Variants in CCSER1 observed in about 807,000 individuals in gnomAD.
The protein encoded by CCSER1 is serine-rich coiled-coil domain-containing protein 1.
In CCSER1, 41 loss-of-function variants were observed where a neutral mutation model predicts 82.0. The ratio of observed to expected loss-of-function variants is 0.50; its 90% CI spans 0.39 to 0.65. The LOEUF is 0.65. Among genes scored for constraint, CCSER1 ranks in the 30% least tolerant of loss-of-function variants. The probability of loss-of-function intolerance (pLI) is 0.00; values close to 1 mark genes in which losing one functional copy is unlikely to be tolerated. For synonymous variants in CCSER1, 414 were observed against 383.9 expected (o/e 1.08, Z -0.92); for missense variants, 1,119 against 1,064.2 (o/e 1.05, Z -0.72).
At chr4:90,605,455 A>C (rs1199845343) in intron 5 of CCSER1, among the ~76,000 whole-genome samples, 1 of 152,206 alleles carries the variant, frequency 6.6e-6, no homozygotes, top group Non-Finnish European at 1.5e-5. Flanking sequence ...TTATCTCTTC[A>C]CAAGTCAAAA....
At chr4:90,414,622 G>C (rs953142378) in intron 4 of CCSER1, among the ~76,000 whole-genome samples, 1 of 152,080 alleles carries the variant, frequency 6.6e-6, no homozygotes, top group Non-Finnish European at 1.5e-5. Flanking sequence ...TGTTTGTATA[G>C]TATTGTTTTT....
chr4:90,434,952 C>T (rs1014764803), intron 4 of CCSER1, among the ~76,000 whole-genome samples: 4 of 152,100 alleles, frequency 2.6e-5, no homozygotes, highest in African/African-American at 4.8e-5. Flanking sequence ...TTGGCCTCTG[C>T]GTGAATGTAA....
chr4:90,353,095 C>T (rs1383383322), intron 3 of CCSER1, among the ~76,000 whole-genome samples: 1 of 152,176 alleles, frequency 6.6e-6, no homozygotes, highest in Admixed American at 6.5e-5. Flanking sequence ...GGAGATACTT[C>T]TCTTCCCACT....
rs1310066424 is a variant in CCSER1 at position 90,312,851 on chromosome 4, T to C, written c.1325-12T>C. The C allele has an allele frequency of 6.6e-7, 1 of 1,511,540 alleles. No individual in the cohort carries two copies. Among genetic ancestry groups the C allele is most frequent in the Non-Finnish European group, 8.9e-7 (1 of 1,119,934 alleles). 93.6% of individuals were successfully genotyped at this position (1,511,540 alleles called of 1,614,324 possible). ...TATTTACCTTCATTTTTATTTATTTTCCTTTCCATAGTTCTTGCCAGTAGT... is the reference window on the plus strand; with the variant it reads ...TATTTACCTTCATTTTTATTTATTTCCCTTTCCATAGTTCTTGCCAGTAGT... On this transcript the variant is annotated splice_polypyrimidine_tract_variant and intron_variant, in intron 2 of 10. Transcript: ENST00000509176.
chr4:91,013,399 C>A (rs1416925498), intron 9 of CCSER1, among the ~76,000 whole-genome samples: 1 of 132,752 alleles, frequency 7.5e-6, no homozygotes. Context: ...CTATTTCAAC[C>A]TTCCCTATTC....
At position 90,293,508 on chromosome 4, in the gene CCSER1, C is replaced by T. The variant is rs956343937; in HGVS notation, c.-41-14736C>T. The stretch of plus-strand genomic sequence containing the variant: ...AGTTAGAATAAAAAATTAACTTTAC[C>T]GTCAAAAAGGAAGATCTCCTGCACC... On this transcript the variant is annotated intron_variant, in intron 1 of 10. Coordinates refer to ENST00000509176, the MANE Select transcript of CCSER1 (RefSeq NM_001145065.2). 7.3e-5 allele frequency among the ~76,000 whole-genome samples: 11 copies of T among 150,518 alleles called. No individual in the cohort carries two copies. The South Asian group carries it at 8.3e-4, about 11-fold the overall frequency.
At chr4:91,249,089 A>C (rs1740049840) in intron 10 of CCSER1, among the ~76,000 whole-genome samples, 1 of 152,164 alleles carries the variant, frequency 6.6e-6, no homozygotes, top group African/African-American at 2.4e-5. Context: ...AAATCACATA[A>C]ATCAAGTAGA....
At chr4:90,324,413 A>T (rs1396844174) in intron 3 of CCSER1, among the ~76,000 whole-genome samples, 1 of 143,958 alleles carries the variant, frequency 6.9e-6, no homozygotes, top group Non-Finnish European at 1.5e-5. Flanking sequence ...CATTTCTCTG[A>T]TGGCCAGTGA....
chr4:90,489,453 T>C (rs1767623889), intron 5 of CCSER1, among the ~76,000 whole-genome samples: 3 of 152,130 alleles, frequency 2.0e-5, no homozygotes, highest in Admixed American at 2.0e-4. Flanking sequence ...TTATATCAAT[T>C]GAGTTTGCTA....
chr4:90,748,889 T>A (rs1297204514), intron 7 of CCSER1, among the ~76,000 whole-genome samples: 1 of 150,702 alleles, frequency 6.6e-6, no homozygotes, highest in Admixed American at 6.6e-5. Context: ...GGGTTGTTTG[T>A]TTTTTTCTTG....
chr4:90,533,584 A>G (rs1774914420), intron 5 of CCSER1, among the ~76,000 whole-genome samples: 1 of 152,154 alleles, frequency 6.6e-6, no homozygotes, highest in African/African-American at 2.4e-5. Flanking sequence ...GCTCATAACG[A>G]TTTGGAGTTT....
intron 10 of CCSER1, among the ~76,000 whole-genome samples, chr4:91,472,452 T>C (rs143896708): frequency 9.8e-5 from 15 of 152,334 alleles, no homozygotes; most frequent in African/African-American, 3.6e-4. Flanking sequence ...ACCCCAATCC[T>C]TTCTTTTTGG....
chr4:91,472,250 T>C (rs1313468272), intron 10 of CCSER1, among the ~76,000 whole-genome samples: 2 of 152,188 alleles, frequency 1.3e-5, no homozygotes, highest in East Asian at 3.9e-4. Flanking sequence ...TGATAGCATC[T>C]CTAAGTGCTG....
intron 2 of CCSER1, among the ~76,000 whole-genome samples, chr4:90,311,917 C>T (rs548871344): frequency 2.0e-5 from 3 of 152,104 alleles, no homozygotes; most frequent in Non-Finnish European, 4.4e-5. Flanking sequence ...ACAAAACAGG[C>T]CTAGATCCCT....
At chr4:91,155,599 TA>T (rs1364941443) in intron 10 of CCSER1, among the ~76,000 whole-genome samples, 3 of 152,120 alleles carry the variant, frequency 2.0e-5, no homozygotes, top group Non-Finnish European at 4.4e-5. Flanking sequence ...CATTTTCATC[TA>T]ATGATTCTAA....
At chr4:90,486,372 G>A (rs1767059540) in intron 5 of CCSER1, among the ~76,000 whole-genome samples, 1 of 152,156 alleles carries the variant, frequency 6.6e-6, no homozygotes, top group East Asian at 1.9e-4. Flanking sequence ...ATTTTCCTCA[G>A]TCTTCTATCA....
chr4:91,546,385 A>T (rs1456999663), intron 10 of CCSER1, among the ~76,000 whole-genome samples: 2 of 152,030 alleles, frequency 1.3e-5, no homozygotes, highest in African/African-American at 2.4e-5. Flanking sequence ...CAGTTAACCC[A>T]TGTCTTTTTT....
chr4:91,576,090 T>A (rs866175260), intron 10 of CCSER1, among the ~76,000 whole-genome samples: 1 of 152,006 alleles, frequency 6.6e-6, no homozygotes, highest in Admixed American at 6.6e-5. Flanking sequence ...AGACAAGATA[T>A]GGAAATAACC....
intron 10 of CCSER1, among the ~76,000 whole-genome samples, chr4:91,170,823 G>A (rs1732670338): frequency 6.6e-6 from 1 of 152,092 alleles, no homozygotes; most frequent in African/African-American, 2.4e-5. Context: ...ATTATTATCT[G>A]GGAAATGATT....
Sources: gnomAD v4.1 joint callset for allele counts (sites outside exome capture counted in the v4.1 genomes callset) on GRCh38, gnomAD v4.1.1 for gene constraint, MANE v1.5 for transcripts, NCBI Gene and HGNC (gene_info 2026-07-23, HGNC 2026-07-21) for gene names.